ZRANB3: variants seen among roughly 807,000 people sequenced by gnomAD.
ZRANB3 encodes the protein zinc finger RANBP2-type containing 3.
Under a neutral mutation model 133.8 loss-of-function variants are expected in ZRANB3, and 125 were observed. The ratio of observed to expected loss-of-function variants is 0.93; its 90% CI spans 0.81 to 1.08. The LOEUF (loss-of-function observed/expected upper bound fraction) is 1.08. Among genes scored for constraint, ZRANB3 ranks in the 50% least tolerant of loss-of-function variants. The pLI is 0.00. For synonymous variants in ZRANB3, 387 were observed against 432.7 expected (o/e 0.89, Z 1.31); for missense variants, 1,229 against 1,275.5 (o/e 0.96, Z 0.56).
chr2:135,461,760 A>T (rs1690776709), intron 2 of ZRANB3, among the ~76,000 whole-genome samples: 1 of 152,208 alleles, frequency 6.6e-6, no homozygotes, highest in South Asian at 2.1e-4. Flanking sequence ...GAAGTCAAAA[A>T]AATGATTCAA....
At chr2:135,520,079 A>G (rs1693864005) in intron 1 of ZRANB3, among the ~76,000 whole-genome samples, 1 of 138,502 alleles carries the variant, frequency 7.2e-6, no homozygotes, top group Non-Finnish European at 1.5e-5. Context: ...TTCCACTTAA[A>G]TTCTTTTTTT....
chr2:135,275,755 C>T lies in ZRANB3; in HGVS notation c.967G>A (p.Ala323Thr), dbSNP rs753216824. 1.4e-5 allele frequency: 21 copies of T among 1,551,812 alleles called. 1 individual carries two copies. The Admixed American group carries it at 2.9e-4, about 22-fold the overall frequency. ...TTAATATAATCCTTTACAGCACCTG[C>T]CTAAATATTAAAAGGTAAACCTTAT... ...RMFKQTAIAKAGAVKDYIKMM... is the reference protein window; with the variant it reads ...RMFKQTAIAKTGAVKDYIKMM... Residue 323 changes from alanine (A) to threonine (T), a missense_variant and splice_region_variant, in exon 9 of 21, where the codon GCA becomes ACA. Coordinates refer to ENST00000264159, the MANE Select transcript of ZRANB3 (RefSeq NM_032143.4).
intron 2 of ZRANB3, among the ~76,000 whole-genome samples, chr2:135,461,821 T>C (rs537406402): frequency 1.3e-5 from 2 of 152,322 alleles, no homozygotes; most frequent in South Asian, 2.1e-4. Flanking sequence ...TTGAATCTAG[T>C]TTCTTCACTA....
intron 12 of ZRANB3, among the ~76,000 whole-genome samples, chr2:135,242,390 G>C (rs1189146797): frequency 6.6e-6 from 1 of 151,932 alleles, no homozygotes; most frequent in Non-Finnish European, 1.5e-5. Context: ...AAATCAGGAG[G>C]GTAATGGCTT....
At chr2:135,505,482 A>C (rs1693134456) in intron 1 of ZRANB3, among the ~76,000 whole-genome samples, 1 of 152,036 alleles carries the variant, frequency 6.6e-6, no homozygotes, top group Admixed American at 6.6e-5. Context: ...CCTAAGGCAG[A>C]AGAATCATTT....
At chr2:135,530,379 G>C (rs1049964292) in intron 1 of ZRANB3, 1 of 152,198 alleles carries the variant, frequency 6.6e-6, no homozygotes, top group African/African-American at 2.4e-5. Flanking sequence ...GAAGGCCGGG[G>C]TGGAGAAAGT....
chr2:135,514,762 T>C (rs1426195089), intron 1 of ZRANB3, among the ~76,000 whole-genome samples: 2 of 152,202 alleles, frequency 1.3e-5, no homozygotes, highest in Non-Finnish European at 2.9e-5. Flanking sequence ...AGTATGATAT[T>C]GGCTGTGGGT....
intron 3 of ZRANB3, among the ~76,000 whole-genome samples, chr2:135,361,640 G>A (rs1388685748): frequency 1.3e-5 from 2 of 152,088 alleles, no homozygotes; most frequent in Admixed American, 1.3e-4. Flanking sequence ...AGATAGGTAG[G>A]TTTGTCTTTA....
chr2:135,310,011 A>C (rs1388086162), intron 8 of ZRANB3, among the ~76,000 whole-genome samples: 1 of 152,096 alleles, frequency 6.6e-6, no homozygotes, highest in African/African-American at 2.4e-5. Flanking sequence ...ATCTCGGCTC[A>C]CTGCAACCTC....
At chr2:135,485,695 T>C (rs1692085361) in intron 2 of ZRANB3, among the ~76,000 whole-genome samples, 1 of 152,182 alleles carries the variant, frequency 6.6e-6, no homozygotes, top group Non-Finnish European at 1.5e-5. Flanking sequence ...CGTAAAAAGG[T>C]GAGTCACACA....
chr2:135,432,389 C>T (rs1237614739), intron 2 of ZRANB3, among the ~76,000 whole-genome samples: 2 of 152,102 alleles, frequency 1.3e-5, no homozygotes, highest in African/African-American at 4.8e-5. Context: ...ATTTTTAATG[C>T]TTTCAATAAG....
chr2:135,215,206 C>T (rs1218646547), intron 17 of ZRANB3, among the ~76,000 whole-genome samples: 3 of 152,280 alleles, frequency 2.0e-5, no homozygotes, highest in South Asian at 2.1e-4. Flanking sequence ...GTGTGAGCCA[C>T]CATGGCTAGC....
At chr2:135,454,334 T>C in intron 2 of ZRANB3, among the ~76,000 whole-genome samples, 1 of 152,238 alleles carries the variant, frequency 6.6e-6, no homozygotes, top group Non-Finnish European at 1.5e-5. Flanking sequence ...ATTCATATTA[T>C]ATAAAAACAT....
intron 12 of ZRANB3, 90 bp from the exon 13 acceptor site, chr2:135,231,017 C>T: frequency 8.0e-7 from 1 of 1,249,534 alleles, no homozygotes; most frequent in South Asian, 1.8e-5. Flanking sequence ...TTTTAATTAA[C>T]CATATTGCCT....
intron 6 of ZRANB3, among the ~76,000 whole-genome samples, chr2:135,316,870 G>A (rs1247930395): frequency 1.3e-5 from 2 of 151,292 alleles, no homozygotes; most frequent in Non-Finnish European, 2.9e-5. Flanking sequence ...AGAGGCTGAG[G>A]CAGGAGAATC....
intron 12 of ZRANB3, among the ~76,000 whole-genome samples, chr2:135,235,925 A>G (rs1425109702): frequency 2.6e-5 from 4 of 151,898 alleles, no homozygotes; most frequent in African/African-American, 9.7e-5. Context: ...ATAGTGTTGG[A>G]AGTTCTGGCC....
chr2:135,303,200 T>C (rs1682523434), intron 8 of ZRANB3, among the ~76,000 whole-genome samples: 1 of 152,190 alleles, frequency 6.6e-6, no homozygotes, highest in Non-Finnish European at 1.5e-5. Flanking sequence ...ACTACGTATA[T>C]ATATATTTTT....
At chr2:135,260,144 A>G (rs1023597640) in intron 12 of ZRANB3, among the ~76,000 whole-genome samples, 3 of 152,202 alleles carry the variant, frequency 2.0e-5, no homozygotes, top group Non-Finnish European at 4.4e-5. Flanking sequence ...CACTAATATT[A>G]TCTATACCAT....
At chr2:135,458,834 G>A (rs762885301) in intron 2 of ZRANB3, among the ~76,000 whole-genome samples, 14 of 152,058 alleles carry the variant, frequency 9.2e-5, no homozygotes, top group Non-Finnish European at 1.9e-4. Flanking sequence ...TGTAGAAACA[G>A]TACCTTACAT....
Sources: gnomAD v4.1 joint callset for allele counts (sites outside exome capture counted in the v4.1 genomes callset) on GRCh38, gnomAD v4.1.1 for gene constraint, MANE v1.5 for transcripts, NCBI Gene and HGNC (gene_info 2026-07-23, HGNC 2026-07-21) for gene names.